The following KLF8 variants were observed in gnomAD, a reference collection of about 807,000 sequenced individuals.
KLF8 encodes the protein KLF transcription factor 8, also known as Krueppel-like factor 8.
KLF8 carries 10 observed loss-of-function variants against 18.2 expected under a neutral mutation model. The ratio of observed to expected loss-of-function variants is 0.55; its 90% CI spans 0.34 to 0.93. The LOEUF is 0.93. Among genes scored for constraint, KLF8 ranks in the 40% least tolerant of loss-of-function variants. The probability of loss-of-function intolerance (pLI) is 0.02; values close to 1 mark genes in which losing one functional copy is unlikely to be tolerated. For synonymous variants in KLF8, 109 were observed against 97.3 expected (o/e 1.12, Z -0.71); for missense variants, 264 against 277.9 (o/e 0.95, Z 0.36).
At chrX:56,116,816 C>T in the KLF8 span, among the ~76,000 whole-genome samples, 2 of 109,489 alleles carry the variant, frequency 1.8e-5, no homozygotes, top group African/African-American at 6.7e-5. Context: ...CTATAGTCAC[C>T]ATGCTGTACC....
At chrX:56,180,551 T>C in the KLF8 span, among the ~76,000 whole-genome samples, 1 of 111,598 alleles carries the variant, frequency 9.0e-6, no homozygotes, top group Non-Finnish European at 1.9e-5. Context: ...TTAATTGTGA[T>C]GTTAGGCTGT....
chrX:56,200,983 G>A, the KLF8 span, among the ~76,000 whole-genome samples: 59 of 111,681 alleles, frequency 5.3e-4, no homozygotes, highest in African/African-American at 1.9e-3. Flanking sequence ...TATTGGTTAG[G>A]ATTGTGGAGA....
the KLF8 span, among the ~76,000 whole-genome samples, chrX:55,920,859 T>G: frequency 8.9e-6 from 1 of 112,096 alleles, no homozygotes; most frequent in Non-Finnish European, 1.9e-5. Context: ...GAGGGAATAA[T>G]CAAAGAAAAC....
the KLF8 span, among the ~76,000 whole-genome samples, chrX:55,956,705 T>C: frequency 8.9e-6 from 1 of 112,406 alleles, no homozygotes; most frequent in Admixed American, 9.4e-5. Flanking sequence ...TTGTTTATCA[T>C]CTTTGGAGAA....
chrX:55,977,544 C>G, the KLF8 span, among the ~76,000 whole-genome samples: 144 of 110,364 alleles, frequency 1.3e-3, no homozygotes, highest in South Asian at 0.054. Context: ...CTCTCAGTGA[C>G]TTCCCTATCT....
intron 2 of KLF8, among the ~76,000 whole-genome samples, chrX:56,263,982 A>T (rs182804049): frequency 8.9e-6 from 1 of 112,149 alleles, no homozygotes; most frequent in Non-Finnish European, 1.9e-5. Context: ...AAAAGTGGTT[A>T]TGTTTTATAT....
At position 56,290,845 on chromosome X, in the gene KLF8, G is replaced by A. The variant is rs528658682; in HGVS notation, c.*6351G>A. On this transcript the variant is annotated 3_prime_UTR_variant, in exon 6 of 6. Transcript: ENST00000468660. ...ATATTTCTCTGTTTTCCAAACACTG[G>A]TTTTAATTTCCATTTCCTTTTCTGG... Among the ~76,000 whole-genome samples, 50 of 111,660 alleles carry A rather than the reference G, an allele frequency of 4.5e-4. No individual in the cohort carries two copies. The highest frequency in any genetic ancestry group is 4.6e-3 in the Middle Eastern group (1 of 217).
the KLF8 span, among the ~76,000 whole-genome samples, chrX:56,030,938 A>G: frequency 9.1e-6 from 1 of 109,998 alleles, no homozygotes; most frequent in Admixed American, 9.7e-5. Context: ...GTAACCAGGA[A>G]TCTATATATG....
the KLF8 span, among the ~76,000 whole-genome samples, chrX:56,178,794 A>T: frequency 8.9e-6 from 1 of 111,840 alleles, no homozygotes; most frequent in African/African-American, 3.3e-5. Context: ...AGATGGTTGT[A>T]GATGTGTGGC....
the KLF8 span, among the ~76,000 whole-genome samples, chrX:56,033,604 T>A: frequency 2.6e-4 from 29 of 112,180 alleles, no homozygotes; most frequent in Non-Finnish European, 3.8e-4. Flanking sequence ...CACTTTTTTA[T>A]AATGGCTGTA....
the KLF8 span, among the ~76,000 whole-genome samples, chrX:56,184,346 G>A: frequency 8.9e-6 from 1 of 112,550 alleles, no homozygotes; most frequent in Non-Finnish European, 1.9e-5. Flanking sequence ...GCCCGGGCTT[G>A]CTTAGGTAAA....
At chrX:56,033,948 C>A in the KLF8 span, among the ~76,000 whole-genome samples, 3 of 112,343 alleles carry the variant, frequency 2.7e-5, no homozygotes, top group Admixed American at 2.8e-4. Context: ...TTTTGTATAG[C>A]AAATCTTTAT....
chrX:56,151,471 C>G, the KLF8 span, among the ~76,000 whole-genome samples: 1 of 111,252 alleles, frequency 9.0e-6, no homozygotes, highest in African/African-American at 3.3e-5. Context: ...GAAAGTAAAA[C>G]TGACAGCACT....
the KLF8 span, among the ~76,000 whole-genome samples, chrX:56,224,462 AT>A: frequency 8.9e-6 from 1 of 111,857 alleles, no homozygotes; most frequent in African/African-American, 3.2e-5. Flanking sequence ...GTCCAACTTG[AT>A]TTTTTTATTA....
At chrX:56,164,719 C>T in the KLF8 span, among the ~76,000 whole-genome samples, 47 of 51,584 alleles carry the variant, frequency 9.1e-4, no homozygotes, top group Admixed American at 1.9e-3. Context: ...TTTTTTCTTT[C>T]TTGTTATCTC....
chrX:56,180,882 C>T, the KLF8 span, among the ~76,000 whole-genome samples: 3 of 111,859 alleles, frequency 2.7e-5, no homozygotes, highest in Non-Finnish European at 3.8e-5. Flanking sequence ...TTACTTCCAA[C>T]TATGTGGTCA....
At chrX:56,084,271 T>C in the KLF8 span, among the ~76,000 whole-genome samples, 1 of 110,592 alleles carries the variant, frequency 9.0e-6, no homozygotes, top group Non-Finnish European at 1.9e-5. Context: ...TGGTCCCAGC[T>C]GCTTGGGAGG....
At chrX:56,082,087 G>C in the KLF8 span, among the ~76,000 whole-genome samples, 3 of 111,453 alleles carry the variant, frequency 2.7e-5, no homozygotes, top group Non-Finnish European at 5.7e-5. Flanking sequence ...GTCCTAGACT[G>C]TTCTCTGTTT....
chrX:55,909,551 C>CT, the KLF8 span, among the ~76,000 whole-genome samples: 1 of 112,482 alleles, frequency 8.9e-6, no homozygotes, highest in African/African-American at 3.2e-5. Context: ...CAATGACTCC[C>CT]TTTTTAACTG....
Sources: allele counts gnomAD v4.1 joint callset (sites outside exome capture counted in the v4.1 genomes callset), GRCh38; gene constraint gnomAD v4.1.1; transcripts MANE v1.5; gene names NCBI Gene and HGNC (gene_info 2026-07-23, HGNC 2026-07-21).